MAGEC3: variants seen among roughly 807,000 people sequenced by gnomAD.
MAGEC3 encodes the protein MAGE family member C3.
In MAGEC3, 34 loss-of-function variants were observed where a neutral mutation model predicts 35.3. That is an observed-to-expected ratio of 0.96 (90% CI 0.73 to 1.28). MAGEC3 has a LOEUF of 1.28. Among genes scored for constraint, MAGEC3 ranks in the 50% most tolerant of loss-of-function variants. MAGEC3 has a pLI of 0.00. For missense variants in MAGEC3, 561 were observed against 483.6 expected, an observed-to-expected ratio of 1.16 and a Z score of -1.50; for synonymous variants, 202 against 185.6, an observed-to-expected ratio of 1.09 and a Z score of -0.72.
At chrX:141,843,892 G>A (rs2017700848) in intron 1 of MAGEC3, among the ~76,000 whole-genome samples, 2 of 110,716 alleles carry the variant, frequency 1.8e-5, no homozygotes, top group South Asian at 7.6e-4. Context: ...AAATTAAAAA[G>A]CTTTCCATGT....
chrX:141,880,391 C>T (rs761583456), intron 3 of MAGEC3, among the ~76,000 whole-genome samples: 45 of 105,821 alleles, frequency 4.3e-4, no homozygotes, highest in Middle Eastern at 4.7e-3. Flanking sequence ...CTGATGGGAC[C>T]ATGCAGTCCA....
intron 5 of MAGEC3, 30 bp from the exon 6 acceptor site, chrX:141,895,455 G>T (rs763222223): frequency 8.3e-7 from 1 of 1,210,896 alleles, no homozygotes. Context: ...AAGGACAGAA[G>T]AAGCCCCGGT....
chrX:141,844,615 T>A (rs1603051560), intron 1 of MAGEC3, among the ~76,000 whole-genome samples: 1 of 111,496 alleles, frequency 9.0e-6, no homozygotes, highest in East Asian at 2.8e-4. Context: ...TATTGAGATT[T>A]TAGTTACATA....
intron 4 of MAGEC3, among the ~76,000 whole-genome samples, chrX:141,890,890 A>G (rs1157267494): frequency 8.9e-6 from 1 of 111,849 alleles, no homozygotes; most frequent in African/African-American, 3.3e-5. Flanking sequence ...ATCTGTTGTG[A>G]TGTGGAACTG....
intron 4 of MAGEC3, among the ~76,000 whole-genome samples, chrX:141,886,735 A>G (rs1040157270): frequency 2.7e-5 from 3 of 110,989 alleles, no homozygotes; most frequent in Non-Finnish European, 5.7e-5. Flanking sequence ...GAACCCCCAC[A>G]TTGGCTCCCT....
At chrX:141,895,757 A>C (rs189244782) in intron 6 of MAGEC3, among the ~76,000 whole-genome samples, 198 bp downstream of exon 6, 4 of 82,266 alleles carry the variant, frequency 4.9e-5, no homozygotes, top group Non-Finnish European at 9.6e-5. Flanking sequence ...GTGGAGGGGA[A>C]GGGGAGGCCT....
At chrX:141,883,367 G>A (rs954864461) in intron 4 of MAGEC3, among the ~76,000 whole-genome samples, 4 of 111,874 alleles carry the variant, frequency 3.6e-5, no homozygotes, top group African/African-American at 1.3e-4. Context: ...TGTTTGGATG[G>A]ATGAGCAAAG....
chrX:141,894,935 G>C, intron 4 of MAGEC3: 1 of 716,313 alleles, frequency 1.4e-6, no homozygotes, highest in Non-Finnish European at 1.8e-6. Flanking sequence ...GGAGGAAGTT[G>C]GGAGGTGGGT....
chrX:141,873,500 G>C (rs1340382578), intron 2 of MAGEC3, among the ~76,000 whole-genome samples: 1 of 111,418 alleles, frequency 9.0e-6, no homozygotes. Flanking sequence ...GTTGTCAAAA[G>C]AGAAGTGATT....
chrX:141,872,987 C>T (rs1246280391), intron 2 of MAGEC3, among the ~76,000 whole-genome samples: 1 of 111,890 alleles, frequency 8.9e-6, no homozygotes, highest in Non-Finnish European at 1.9e-5. Flanking sequence ...AGCCTTTGCC[C>T]CCAACACCCA....
intron 2 of MAGEC3, among the ~76,000 whole-genome samples, chrX:141,867,947 C>T (rs979637205): frequency 1.8e-5 from 2 of 111,045 alleles, no homozygotes; most frequent in Non-Finnish European, 1.9e-5. Context: ...ACGGTGAAAC[C>T]AAATCTCTAC....
intron 4 of MAGEC3, among the ~76,000 whole-genome samples, chrX:141,883,836 A>G (rs978299836): frequency 1.2e-4 from 14 of 113,115 alleles, no homozygotes; most frequent in African/African-American, 3.9e-4. Context: ...GAAGGTGACA[A>G]GTGTTCCTTG....
At chrX:141,897,582 G>A in intron 7 of MAGEC3, 47 bp from the exon 8 acceptor site, 1 of 1,196,076 alleles carries the variant, frequency 8.4e-7, no homozygotes, top group Non-Finnish European at 1.1e-6. Flanking sequence ...ACCGGGAGGT[G>A]CCCAACAGTG....
chrX:141,869,544 T>C (rs2124104878), intron 2 of MAGEC3, among the ~76,000 whole-genome samples: 1 of 112,556 alleles, frequency 8.9e-6, no homozygotes, highest in African/African-American at 3.2e-5. Flanking sequence ...TAGTCCATTT[T>C]ATTAACTTTT....
chrX:141,881,386 A>G lies in MAGEC3; in HGVS notation c.516-17A>G, dbSNP rs764610942. ...GCCTAGCAGCCAATAAGATGAAGAT[A>G]CAAGTACCTGGCACAGCTTGCCAGA... On this transcript the variant is annotated splice_polypyrimidine_tract_variant and intron_variant, in intron 3 of 7. Coordinates refer to ENST00000298296, the MANE Select transcript of MAGEC3 (RefSeq NM_138702.1). 1 of 1,180,163 alleles carries G rather than the reference A, an allele frequency of 8.5e-7. No homozygotes were observed. The highest frequency in any genetic ancestry group is 2.0e-5 in the South Asian group (1 of 51,039).
chrX:141,839,692 C>G (rs1207750469), intron 1 of MAGEC3: 16 of 736,408 alleles, frequency 2.2e-5, no homozygotes, highest in Non-Finnish European at 2.6e-5. Flanking sequence ...ATGTCAAATG[C>G]TTTACTAGCT....
chrX:141,878,369 C>T (rs764183548), intron 2 of MAGEC3, among the ~76,000 whole-genome samples: 8 of 111,984 alleles, frequency 7.1e-5, no homozygotes, highest in African/African-American at 2.6e-4. Flanking sequence ...TTATTTTTTG[C>T]CGTATGTTAT....
At chrX:141,890,451 C>T (rs2018032989) in intron 4 of MAGEC3, among the ~76,000 whole-genome samples, 1 of 109,970 alleles carries the variant, frequency 9.1e-6, no homozygotes. Flanking sequence ...AAGTGATCTG[C>T]CCGCCGCAGT....
intron 2 of MAGEC3, among the ~76,000 whole-genome samples, chrX:141,868,006 C>G (rs1383654820): frequency 1.8e-5 from 2 of 110,127 alleles, no homozygotes; most frequent in East Asian, 5.8e-4. Context: ...GCCTGTAGTC[C>G]CAGCTACTTG....
Sources: gnomAD v4.1 joint callset for allele counts (sites outside exome capture counted in the v4.1 genomes callset) on GRCh38, gnomAD v4.1.1 for gene constraint, MANE v1.5 for transcripts, NCBI Gene and HGNC (gene_info 2026-07-23, HGNC 2026-07-21) for gene names.